The following ZNF414 variants were observed in gnomAD, a reference collection of about 807,000 sequenced individuals.
ZNF414 encodes zinc finger protein 414.
In ZNF414, 32 loss-of-function variants were observed where a neutral mutation model predicts 38.3. That is an observed-to-expected ratio of 0.83 (90% CI 0.63 to 1.12). ZNF414 has a LOEUF of 1.12. Among genes scored for constraint, ZNF414 ranks in the 50% most tolerant of loss-of-function variants. The pLI is 0.00. For missense variants in ZNF414, 589 were observed against 557.4 expected (o/e 1.06, Z -0.57); for synonymous variants, 256 against 248.0 (o/e 1.03, Z -0.30).
At chr19:8,512,785 C>CA in intron 2 of ZNF414, 74 bp from the exon 3 acceptor site, 1 of 1,369,830 alleles carries the variant, frequency 7.3e-7, no homozygotes, top group South Asian at 1.5e-5. Flanking sequence ...GGTTCTGCCC[C>CA]AGAGAAGCAA....
At chr19:8,511,103 C>T in intron 6 of ZNF414, 79 bp from the exon 7 acceptor site, 1 of 1,284,262 alleles carries the variant, frequency 7.8e-7, no homozygotes, top group East Asian at 3.2e-5. Context: ...AGGACGCCGG[C>T]GAGGGTGGGT....
intron 6 of ZNF414, 193 bp from the exon 7 acceptor site, chr19:8,511,217 C>T (rs991953260): frequency 3.8e-6 from 5 of 1,328,312 alleles, no homozygotes; most frequent in Non-Finnish European, 4.8e-6. Context: ...TTCTCCGCGT[C>T]CCCTACTATC....
In ZNF414 at chr19:8,511,840, C is replaced by A. The variant is rs922678831; in HGVS notation, c.651G>T (p.Pro217=). ...CCTCCGGGGGGCGCTCCGGCGCGGG[C>A]GGCTCTCGGTCCAGGGCCGGGGGTG... The part of the protein sequence containing the change: ...PPPPPALDRE[P]PAPERPPEVD... The change falls in exon 5 of 8, where the codon CCG becomes CCT. Residue 217 remains proline (P), a synonymous_variant. Transcript: ENST00000393927. 1 of 1,396,228 alleles carries A rather than the reference C, an allele frequency of 7.2e-7. No homozygotes were observed. 86.5% of individuals were successfully genotyped at this position (1,396,228 alleles called of 1,614,324 possible). A position where few individuals can be genotyped will look rare whatever the true frequency, so the allele number is the denominator to read the frequency against.
rs549991815 is a variant in ZNF414, at chr19:8,511,197, C to G, written c.926-173G>C. ...TGTCTGCCCCTAGAGTTGGGGGCAC[C>G]CAACTTGGCTTCTCCGCGTCCCCTA... is the stretch of plus-strand genomic sequence containing the variant. On this transcript the variant is annotated intron_variant, in intron 6 of 7. Transcript: ENST00000393927. 157 of 1,311,564 alleles carry G rather than the reference C, an allele frequency of 1.2e-4. No homozygotes were observed. The South Asian group carries it at 2.9e-3, about 24-fold the overall frequency. The allele number at this position is 1,311,564 out of a possible 1,614,324, so 81.2% of individuals were successfully genotyped here.
rs746057320 is a variant in ZNF414 at position 8,511,661 on chromosome 19, G to A, written c.830C>T (p.Pro277Leu). Residue 277 changes from proline (P) to leucine (L), a missense_variant, in exon 5 of 8, where the codon CCC becomes CTC. Transcript: ENST00000393927. ...PRLRPFLAAA[P>L]GPPASSAAVW... Reference sequence around the variant, plus strand: ...GGCGGCGCTGGAAGCCGGCGGCCCGGGTGCAGCGGCCAGGAAGGGGCGCAG... The same window carrying A: ...GGCGGCGCTGGAAGCCGGCGGCCCGAGTGCAGCGGCCAGGAAGGGGCGCAG... 34 of 1,504,390 alleles carry A rather than the reference G, an allele frequency of 2.3e-5. No homozygotes were observed. In the African/African-American group the frequency reaches 4.2e-4, roughly 19 times the overall value. The allele number at this position is 1,504,390 out of a possible 1,614,324, so 93.2% of individuals were successfully genotyped here.
chr19:8,510,856 G>C lies in ZNF414; in HGVS notation c.1094C>G (p.Pro365Arg). Residue 365 changes from proline (P) to arginine (R), a missense_variant, in exon 7 of 8, where the codon CCC becomes CGC. Transcript: ENST00000393927. ...PAAGPPRPDA[P>R]ADPAPLAPKV... ...CGCGCATTCCTCGGCCTTACCCGCG[G>C]GGGCGTCGGGGCGCGGCGGCCCGGC... 8.7e-7 allele frequency: 1 copy of C among 1,153,168 alleles called. No homozygotes were observed. The allele number at this position is 1,153,168 out of a possible 1,614,324, so 71.4% of individuals were successfully genotyped here. A position where few individuals can be genotyped will look rare whatever the true frequency, so the allele number is the denominator to read the frequency against.
At position 8,511,829 on chromosome 19, in the gene ZNF414, T is replaced by C; in HGVS notation, c.662A>G (p.Glu221Gly). 1 of 1,386,696 alleles carries C rather than the reference T, an allele frequency of 7.2e-7. No homozygotes were observed. Among genetic ancestry groups the C allele is most frequent in the Non-Finnish European group, 9.3e-7 (1 of 1,077,168 alleles). The allele number at this position is 1,386,696 out of a possible 1,614,324, so 85.9% of individuals were successfully genotyped here. ...PALDREPPAP[E>G]RPPEVDPASA... is the part of the protein sequence containing the mutation. Reference sequence around the variant, plus strand: ...TGCGGGGTCAACCTCCGGGGGGCGCTCCGGCGCGGGCGGCTCTCGGTCCAG... The same window carrying C: ...TGCGGGGTCAACCTCCGGGGGGCGCCCCGGCGCGGGCGGCTCTCGGTCCAG... The change falls in exon 5 of 8, where the codon GAG (glutamate) becomes GGG (glycine). Residue 221 changes from glutamate to glycine, a missense_variant. Transcript: ENST00000393927.
chr19:8,511,306 G>A, intron 6 of ZNF414, 180 bp downstream of exon 6: 1 of 1,433,824 alleles, frequency 7.0e-7, no homozygotes, highest in Non-Finnish European at 9.1e-7. Context: ...CGGGAACGCC[G>A]GCGCAGATGA....
In ZNF414 at chr19:8,514,161, A is replaced by G; in HGVS notation, c.-115T>C. On this transcript the variant is annotated 5_prime_UTR_variant, in exon 1 of 8. Coordinates refer to ENST00000393927, the MANE Select transcript of ZNF414 (RefSeq NM_001146175.2). ...ACGTCAGCGCCATTTTCCACCTCTC[A>G]GCTCTCGCGAGACTGGGGGCGGGGC... 1 of 1,265,554 alleles carries G rather than the reference A, an allele frequency of 7.9e-7. No individual in the cohort carries two copies. 78.4% of individuals were successfully genotyped at this position (1,265,554 alleles called of 1,614,324 possible). A position where few individuals can be genotyped will look rare whatever the true frequency, so the allele number is the denominator to read the frequency against.
rs748778876 is a variant in ZNF414, at chr19:8,511,796, G to A, written c.695C>T (p.Pro232Leu). The A allele has an allele frequency of 2.6e-4, 370 of 1,409,984 alleles. No individual in the cohort carries two copies. The Admixed American group carries it at 3.3e-3, about 13-fold the overall frequency. The allele number at this position is 1,409,984 out of a possible 1,614,324, so 87.3% of individuals were successfully genotyped here. Reference sequence around the variant, plus strand: ...TTCCAGCAGCGGGAACGGCAGGCCCGGCGCTGATGCGGGGTCAACCTCCGG... The same window carrying A: ...TTCCAGCAGCGGGAACGGCAGGCCCAGCGCTGATGCGGGGTCAACCTCCGG... Reference protein sequence around the residue: ...RPPEVDPASAPGLPFPLLEPF... With the variant: ...RPPEVDPASALGLPFPLLEPF... The change falls in exon 5 of 8, where the codon CCG becomes CTG. Residue 232 changes from proline to leucine, a missense_variant. By Grantham distance (98) the Pro-to-Leu change is moderately conservative. Transcript: ENST00000393927.
intron 2 of ZNF414, 103 bp downstream of exon 2, chr19:8,512,926 G>A (rs1309170915): frequency 3.7e-6 from 5 of 1,357,636 alleles, no homozygotes; most frequent in Non-Finnish European, 4.8e-6. Flanking sequence ...GTAAAATGAT[G>A]AGTGGCATCC....
Position 8,510,744 on chromosome 19 carries a change from T to C in ZNF414, c.1120A>G (p.Lys374Glu), listed in dbSNP as rs1311348228. The change falls in exon 8 of 8, where the codon AAG becomes GAG. Residue 374 changes from lysine (K) to glutamate (E), a missense_variant. Physicochemically the swap from Lys to Glu is moderately conservative, Grantham distance 56 (BLOSUM62 1). Transcript: ENST00000393927. ...APADPAPLAP[K>E]VSPLLSEGEL... The stretch of plus-strand genomic sequence containing the variant: ...CCCTCTGACAGCAGCGGCGACACCT[T>C]GGGTGCAAGCGGGGCCGGATCTGGG... 1 of 1,548,576 alleles carries C rather than the reference T, an allele frequency of 6.5e-7. No homozygotes were observed. Among genetic ancestry groups the C allele is most frequent in the Middle Eastern group, 1.7e-4 (1 of 5,982 alleles).
chr19:8,514,078 G>T lies in ZNF414; in HGVS notation c.-32C>A. 2.0e-6 allele frequency: 3 copies of T among 1,465,144 alleles called. No individual in the cohort carries two copies. Among genetic ancestry groups the T allele is most frequent in the Non-Finnish European group, 1.8e-6 (2 of 1,109,296 alleles). The allele number at this position is 1,465,144 out of a possible 1,614,324, so 90.8% of individuals were successfully genotyped here. On this transcript the variant is annotated 5_prime_UTR_variant, in exon 1 of 8. Coordinates refer to ENST00000393927, the MANE Select transcript of ZNF414 (RefSeq NM_001146175.2). Reference sequence around the variant, plus strand: ...CACGGCTCGGCCTCTTGTTTCTGCGGCTCCGGCGGCTGCAGCTTAGGCGGC... The same window carrying T: ...CACGGCTCGGCCTCTTGTTTCTGCGTCTCCGGCGGCTGCAGCTTAGGCGGC...
In ZNF414 at chr19:8,511,611, A is replaced by C; in HGVS notation, c.874+6T>G. ...CCCTCCTGGAGGCCCCCGACCCCACACTCACCTTGGCTCTTTTTCCAGACG... is the reference window on the plus strand; with the variant it reads ...CCCTCCTGGAGGCCCCCGACCCCACCCTCACCTTGGCTCTTTTTCCAGACG... On this transcript the variant is annotated splice_donor_region_variant and intron_variant, in intron 5 of 7. Coordinates refer to ENST00000393927, the MANE Select transcript of ZNF414 (RefSeq NM_001146175.2). The C allele has an allele frequency of 6.6e-7, 1 of 1,512,600 alleles. No individual in the cohort carries two copies. The highest frequency in any genetic ancestry group is 8.8e-7 in the Non-Finnish European group (1 of 1,132,770). 93.7% of individuals were successfully genotyped at this position (1,512,600 alleles called of 1,614,324 possible). A position where few individuals can be genotyped will look rare whatever the true frequency, so the allele number is the denominator to read the frequency against.
chr19:8,512,952 G>C (rs1026136736), intron 2 of ZNF414, 77 bp downstream of exon 2: 1 of 1,411,780 alleles, frequency 7.1e-7, no homozygotes, highest in Non-Finnish European at 9.2e-7. Context: ...GAAAGGCCCT[G>C]AGGTTAGAGA....
Position 8,511,944 on chromosome 19 carries a change from G to A in ZNF414, c.547C>T (p.Leu183=), listed in dbSNP as rs767724413. ...AGCGAGCGGTGCGTGCGGAAGCGCA[G>A]GAGGCAGTTCTCACACCTGGAGGTG... ...NRYFKCENCL[L]RFRTHRSLFK... is the part of the protein sequence containing the mutation. The change falls in exon 5 of 8, where the codon CTG becomes TTG. Residue 183 remains leucine (L), a synonymous_variant. Coordinates refer to ENST00000393927, the MANE Select transcript of ZNF414 (RefSeq NM_001146175.2). 20 of 1,420,482 alleles carry A rather than the reference G, an allele frequency of 1.4e-5. No homozygotes were observed. In the South Asian group the frequency reaches 2.7e-4, roughly 19 times the overall value. The allele number at this position is 1,420,482 out of a possible 1,614,324, so 88.0% of individuals were successfully genotyped here.
chr19:8,512,820 C>T (rs1315897619), intron 2 of ZNF414, 109 bp from the exon 3 acceptor site: 3 of 1,216,344 alleles, frequency 2.5e-6, no homozygotes, highest in Non-Finnish European at 3.3e-6. Flanking sequence ...GGCCTTTACT[C>T]TCTGCCTACC....
rs574501948 is a variant in ZNF414 at position 8,514,156 on chromosome 19, C to T, written c.-110G>A. 170 of 1,309,556 alleles carry T rather than the reference C, an allele frequency of 1.3e-4. No individual in the cohort carries two copies. In the African/African-American group the frequency reaches 2.4e-3, roughly 19 times the overall value. 81.1% of individuals were successfully genotyped at this position (1,309,556 alleles called of 1,614,324 possible). On this transcript the variant is annotated 5_prime_UTR_variant, in exon 1 of 8. Coordinates refer to ENST00000393927, the MANE Select transcript of ZNF414 (RefSeq NM_001146175.2). ...CGCTCACGTCAGCGCCATTTTCCAC[C>T]TCTCAGCTCTCGCGAGACTGGGGGC...
At position 8,513,193 on chromosome 19, in the gene ZNF414, G is replaced by C. The variant is rs369997226; in HGVS notation, c.152C>G (p.Ala51Gly). 70 of 1,564,354 alleles carry C rather than the reference G, an allele frequency of 4.5e-5. No individual in the cohort carries two copies. The African/African-American group carries it at 6.9e-4, about 15-fold the overall frequency. Residue 51 changes from alanine (A) to glycine (G), a missense_variant, in exon 2 of 8, where the codon GCC becomes GGC. Coordinates refer to ENST00000393927, the MANE Select transcript of ZNF414 (RefSeq NM_001146175.2). ...TCCACGTTCCCACACTGGCGGTGTGGCTGCCTGCTCAGGGCCTGGCTCCTC... is the reference window on the plus strand; with the variant it reads ...TCCACGTTCCCACACTGGCGGTGTGCCTGCCTGCTCAGGGCCTGGCTCCTC... ...MSEEPGPEQA[A>G]TPPVWERGGA... is the part of the protein sequence containing the mutation.
Sources: gnomAD v4.1 joint callset for allele counts on GRCh38, gnomAD v4.1.1 for gene constraint, MANE v1.5 for transcripts, NCBI Gene and HGNC (gene_info 2026-07-23, HGNC 2026-07-21) for gene names.